Variants in GABRG3 observed in about 807,000 individuals in gnomAD.
GABRG3 encodes gamma-aminobutyric acid receptor subunit gamma-3.
GABRG3 carries 25 observed loss-of-function variants against 48.8 expected under a neutral mutation model. The observed-to-expected ratio is 0.51, with a 90% CI of 0.37 to 0.72. GABRG3 has a LOEUF of 0.72. Among genes scored for constraint, GABRG3 ranks in the 30% least tolerant of loss-of-function variants. The pLI is 0.00. For synonymous variants in GABRG3, 227 were observed against 217.6 expected (o/e 1.04, Z -0.38); for missense variants, 394 against 577.9 (o/e 0.68, Z 3.26).
At chr15:27,191,460 T>C (rs1888301722) in intron 3 of GABRG3, among the ~76,000 whole-genome samples, 1 of 152,190 alleles carries the variant, frequency 6.6e-6, no homozygotes, top group Non-Finnish European at 1.5e-5. Flanking sequence ...GTTGAATTGA[T>C]CCCTTTACCA....
intron 5 of GABRG3, among the ~76,000 whole-genome samples, chr15:27,459,111 C>T (rs1224757069): frequency 2.0e-5 from 3 of 152,222 alleles, no homozygotes; most frequent in Admixed American, 1.3e-4. Context: ...CCTCAAAAGC[C>T]GATTGTTTCC....
At chr15:27,108,545 G>A (rs570915279) in intron 3 of GABRG3, among the ~76,000 whole-genome samples, 53 of 152,304 alleles carry the variant, frequency 3.5e-4, no homozygotes, top group South Asian at 6.2e-4. Flanking sequence ...AAGAGGGCTT[G>A]TTCTGCTGTT....
intron 3 of GABRG3, among the ~76,000 whole-genome samples, chr15:27,130,171 A>G (rs1175545127): frequency 6.6e-6 from 1 of 152,074 alleles, no homozygotes; most frequent in Non-Finnish European, 1.5e-5. Flanking sequence ...TTCATCTAAC[A>G]GTTAAGTTTT....
At chr15:27,456,270 A>G (rs911939842) in intron 5 of GABRG3, among the ~76,000 whole-genome samples, 3 of 152,290 alleles carry the variant, frequency 2.0e-5, no homozygotes, top group African/African-American at 7.2e-5. Context: ...GACAGCTGCC[A>G]TCCTCTGTAG....
chr15:27,376,709 G>A (rs1895608221), intron 5 of GABRG3, among the ~76,000 whole-genome samples: 1 of 152,110 alleles, frequency 6.6e-6, no homozygotes, highest in Non-Finnish European at 1.5e-5. Context: ...GAACACCACA[G>A]GGACCTTGAG....
At chr15:27,531,572 C>T (rs1418868024) in intron 9 of GABRG3, among the ~76,000 whole-genome samples, 2 of 152,170 alleles carry the variant, frequency 1.3e-5, no homozygotes, top group Non-Finnish European at 2.9e-5. Flanking sequence ...TTGGTGTCAC[C>T]CTCCATGGCT....
chr15:27,083,261 T>C (rs1350767715), intron 3 of GABRG3, among the ~76,000 whole-genome samples: 1 of 152,030 alleles, frequency 6.6e-6, no homozygotes, highest in Non-Finnish European at 1.5e-5. Flanking sequence ...CTGACTTTCA[T>C]TCAGAAAGGA....
chr15:27,527,412 T>C, intron 7 of GABRG3, 21 bp from the exon 8 acceptor site: 1 of 1,607,428 alleles, frequency 6.2e-7, no homozygotes, highest in Non-Finnish European at 8.5e-7. Flanking sequence ...TTTTACAACA[T>C]GCTACCCGTC....
intron 3 of GABRG3, 121 bp from the exon 4 acceptor site, chr15:27,326,688 A>G: frequency 1.3e-6 from 1 of 747,788 alleles, no homozygotes; most frequent in Non-Finnish European, 2.3e-6. Context: ...TCTCTATCAG[A>G]AAGAGAATTG....
chr15:27,019,872 C>T (rs1307486003), intron 2 of GABRG3, among the ~76,000 whole-genome samples: 6 of 152,132 alleles, frequency 3.9e-5, no homozygotes, highest in Non-Finnish European at 7.3e-5. Context: ...TAAATAATTA[C>T]GTCATTTTTA....
At chr15:27,486,007 G>T (rs534918421) in intron 6 of GABRG3, among the ~76,000 whole-genome samples, 1 of 152,282 alleles carries the variant, frequency 6.6e-6, no homozygotes, top group African/African-American at 2.4e-5. Context: ...CCTGAGTCCA[G>T]TTGTCTAAAA....
intron 5 of GABRG3, among the ~76,000 whole-genome samples, chr15:27,453,571 G>A (rs1889173685): frequency 6.6e-6 from 1 of 152,116 alleles, no homozygotes; most frequent in African/African-American, 2.4e-5. Context: ...GATTTTAAAT[G>A]CAAAACAACA....
chr15:27,318,431 G>A (rs987168235), intron 3 of GABRG3, among the ~76,000 whole-genome samples: 5 of 152,110 alleles, frequency 3.3e-5, no homozygotes, highest in Admixed American at 1.3e-4. Context: ...GGGAAAGACT[G>A]TGAGTCCCAC....
At chr15:27,439,992 G>A (rs963614149) in intron 5 of GABRG3, among the ~76,000 whole-genome samples, 10 of 152,132 alleles carry the variant, frequency 6.6e-5, no homozygotes, top group African/African-American at 2.2e-4. Flanking sequence ...TGTGGCCTAT[G>A]TGCACATCCC....
chr15:27,002,744 C>CAAAAA (rs71413297), intron 2 of GABRG3, among the ~76,000 whole-genome samples: 5 of 25,410 alleles, frequency 2.0e-4, no homozygotes, highest in African/African-American at 6.3e-4. Flanking sequence ...CCGTGTCTCT[C>CAAAAA]AAAAAAAAAA....
chr15:27,209,227 T>A (rs891219620), intron 3 of GABRG3, among the ~76,000 whole-genome samples: 10 of 152,018 alleles, frequency 6.6e-5, no homozygotes, highest in Admixed American at 2.6e-4. Context: ...AAAGAAGGAG[T>A]TCAGGCCAGC....
intron 3 of GABRG3, among the ~76,000 whole-genome samples, chr15:27,052,660 T>A (rs954170053): frequency 3.3e-5 from 5 of 152,204 alleles, no homozygotes; most frequent in African/African-American, 1.2e-4. Flanking sequence ...TTAAAATACC[T>A]AATGTAGAGC....
intron 3 of GABRG3, among the ~76,000 whole-genome samples, chr15:27,039,813 C>T (rs1896243240): frequency 6.6e-6 from 1 of 152,174 alleles, no homozygotes; most frequent in African/African-American, 2.4e-5. Flanking sequence ...TCGCTGTCAC[C>T]CCGCGGTCCG....
intron 6 of GABRG3, among the ~76,000 whole-genome samples, chr15:27,518,383 T>G (rs4071680): frequency 1.4e-4 from 20 of 138,424 alleles, no homozygotes; most frequent in African/African-American, 5.3e-4. Context: ...AAAAAAAAAA[T>G]GGGACATCAG....
Sources: allele counts gnomAD v4.1 joint callset (sites outside exome capture counted in the v4.1 genomes callset), GRCh38; gene constraint gnomAD v4.1.1; transcripts MANE v1.5; gene names NCBI Gene and HGNC (gene_info 2026-07-23, HGNC 2026-07-21).